The following MAPKBP1 variants were observed in gnomAD, a reference collection of about 807,000 sequenced individuals.
MAPKBP1 encodes mitogen-activated protein kinase-binding protein 1.
A neutral mutation model predicts 170.5 loss-of-function variants in MAPKBP1; 71 were observed. The ratio of observed to expected loss-of-function variants is 0.42; its 90% CI spans 0.34 to 0.51. MAPKBP1 has a LOEUF of 0.51. MAPKBP1 is among the 20% of genes least tolerant of loss of function. MAPKBP1 has a pLI of 0.06. For synonymous variants in MAPKBP1, 719 were observed against 757.9 expected, an observed-to-expected ratio of 0.95 and a Z score of 0.84; for missense variants, 1,598 against 1,933.0, an observed-to-expected ratio of 0.83 and a Z score of 3.25.
In MAPKBP1 at chr15:41,821,740, A is replaced by G. The variant is rs139190271; in HGVS notation, c.2875A>G (p.Met959Val). 3.1e-6 allele frequency: 5 copies of G among 1,613,418 alleles called. No individual in the cohort carries two copies. In the Admixed American group the frequency reaches 5.0e-5, roughly 16 times the overall value. ...VYPEPSDNPT[M>V]DTSEFQVQAP... ...CCCGGAGCCGAGTGACAACCCCACCATGGATACCAGGCAAGGATCCTGCCC... is the reference window on the plus strand; with the variant it reads ...CCCGGAGCCGAGTGACAACCCCACCGTGGATACCAGGCAAGGATCCTGCCC... Residue 959 changes from methionine to valine, a missense_variant, in exon 24 of 31, where the codon ATG (methionine) becomes GTG (valine). Transcript: ENST00000457542.
rs1400426663 is a variant in MAPKBP1, at chr15:41,812,415, C to G, written c.499-101C>G. ...GGCCAGTAAATTCTGGAAAGAAACA[C>G]TTTGTCAAGTACAAATTCTAATTCT... On this transcript the variant is annotated intron_variant, in intron 6 of 30. Coordinates refer to ENST00000457542, the MANE Select transcript of MAPKBP1 (RefSeq NM_014994.3). 3.3e-6 allele frequency: 5 copies of G among 1,509,886 alleles called. No individual in the cohort carries two copies. In the African/African-American group the frequency reaches 6.9e-5, roughly 21 times the overall value. The allele number at this position is 1,509,886 out of a possible 1,614,324, so 93.5% of individuals were successfully genotyped here. A position where few individuals can be genotyped will look rare whatever the true frequency, so the allele number is the denominator to read the frequency against.
chr15:41,795,854 C>A (rs1315010889), intron 2 of MAPKBP1, among the ~76,000 whole-genome samples: 1 of 152,200 alleles, frequency 6.6e-6, no homozygotes, highest in African/African-American at 2.4e-5. Flanking sequence ...CGTGATCCGC[C>A]CGTCTCGGCC....
chr15:41,825,046 A>C (rs1046888619), intron 30 of MAPKBP1, 163 bp from the exon 31 acceptor site: 3 of 598,176 alleles, frequency 5.0e-6, no homozygotes, highest in Non-Finnish European at 8.9e-6. Context: ...CGTCACCCCC[A>C]GAGTCTGCCT....
At position 41,817,795 on chromosome 15, in the gene MAPKBP1, T is replaced by A. The variant is rs180883655; in HGVS notation, c.1904+60T>A. 15 of 1,595,772 alleles carry A rather than the reference T, an allele frequency of 9.4e-6. No individual in the cohort carries two copies. The highest frequency in any genetic ancestry group is 1.7e-4 in the Middle Eastern group (1 of 6,036). ...CTTCATCTCCCTACGGGGTCAGCTC[T>A]GTGCAGCTAAGTTCCCACATCTGTC... On this transcript the variant is annotated intron_variant, in intron 16 of 30. Coordinates refer to ENST00000457542, the MANE Select transcript of MAPKBP1 (RefSeq NM_014994.3). The surrounding 1 kb of genome is among the most constrained non-coding windows in gnomAD (Gnocchi z 4.2).
In MAPKBP1 at chr15:41,786,641, C is replaced by T. The variant is rs577534737; in HGVS notation, c.114+11252C>T. Among the ~76,000 whole-genome samples the T allele has an allele frequency of 7.1e-3, 1,057 of 149,126 alleles. 11 individuals are homozygous for T. The highest frequency in any genetic ancestry group is 0.011 in the Non-Finnish European group (722 of 67,194). On this transcript the variant is annotated intron_variant, in intron 2 of 30. Coordinates refer to ENST00000457542, the MANE Select transcript of MAPKBP1 (RefSeq NM_014994.3). The stretch of plus-strand genomic sequence containing the variant: ...TTAGCTGGGCGTGGTGGCGGGTGCC[C>T]GTAGTCCCAGCTACTCAGGAGGCTG...
rs369382235 is a variant in MAPKBP1 at position 41,821,780 on chromosome 15, G to T, written c.2885+30G>T. 152 of 1,611,940 alleles carry T rather than the reference G, an allele frequency of 9.4e-5. No homozygotes were observed. The African/African-American group carries it at 1.7e-3, about 18-fold the overall frequency. Reference sequence around the variant, plus strand: ...GGATCCTGCCCTAGCCAGACCCCGTGCCCCCGTCTTCCCCTCCCTATGAGT... The same window carrying T: ...GGATCCTGCCCTAGCCAGACCCCGTTCCCCCGTCTTCCCCTCCCTATGAGT... On this transcript the variant is annotated intron_variant, in intron 24 of 30. Transcript: ENST00000457542.
rs142103818 is a variant in MAPKBP1, at chr15:41,822,977, C to T, written c.3353C>T (p.Ser1118Leu). The T allele has an allele frequency of 8.7e-6, 14 of 1,613,600 alleles. No individual in the cohort carries two copies. The highest frequency in any genetic ancestry group is 5.3e-5 in the African/African-American group (4 of 74,936). Reference protein sequence around the residue: ...SPSSSSLALMSRPAQVPQASG... With the variant: ...SPSSSSLALMLRPAQVPQASG... ...TCCTCCTCAAGCCTGGCACTGATGT[C>T]GAGACCAGCCCAGGTGCCACAGGCA... The change falls in exon 28 of 31, where the codon TCG (serine) becomes TTG (leucine). Residue 1118 changes from serine (S) to leucine (L), a missense_variant. Ser to Leu is a moderately radical substitution (Grantham distance 145, BLOSUM62 -2). Transcript: ENST00000457542.
chr15:41,819,554 G>GGGGGGGC, intron 21 of MAPKBP1, 41 bp from the exon 22 acceptor site: 1 of 1,495,298 alleles, frequency 6.7e-7, no homozygotes, highest in Non-Finnish European at 9.2e-7. Context: ...TGGCGGGGGG[G>GGGGGGGC]GGGCAGGAGA....
intron 8 of MAPKBP1, 171 bp downstream of exon 8, chr15:41,813,272 A>G (rs1596088276): frequency 2.6e-6 from 4 of 1,519,042 alleles, no homozygotes; most frequent in South Asian, 2.3e-5. Context: ...GGTGATCTGT[A>G]TAACTGCCTC....
chr15:41,786,324 C>A (rs1003447017), intron 2 of MAPKBP1, among the ~76,000 whole-genome samples: 3 of 151,774 alleles, frequency 2.0e-5, no homozygotes, highest in Admixed American at 6.6e-5. Context: ...AAAGAGCCTG[C>A]ATTATTTTTG....
intron 3 of MAPKBP1, 200 bp from the exon 4 acceptor site, chr15:41,810,683 A>C (rs1360539584): frequency 3.6e-6 from 2 of 562,456 alleles, no homozygotes; most frequent in Non-Finnish European, 6.2e-6. Context: ...GCACCACTGC[A>C]CTCTGGCTGG....
At position 41,799,826 on chromosome 15, in the gene MAPKBP1, A is replaced by AC; in HGVS notation, c.120dup (p.Glu42GlyfsTer17). The AC allele has an allele frequency of 6.2e-7, 1 of 1,613,624 alleles. No homozygotes were observed. Among genetic ancestry groups the AC allele is most frequent in the Non-Finnish European group, 8.5e-7 (1 of 1,179,612 alleles). On this transcript the variant is annotated frameshift_variant, in exon 3 of 31. Transcript: ENST00000457542. LOFTEE classifies it high-confidence loss of function. Reference sequence around the variant, plus strand: ...CACTTCTCTCTTCCTCTAACAGGTGACCTTGGAGAAGGTGCTGGGAATTAC... The same window carrying AC: ...CACTTCTCTCTTCCTCTAACAGGTGACCCTTGGAGAAGGTGCTGGGAATTAC...
intron 2 of MAPKBP1, among the ~76,000 whole-genome samples, chr15:41,798,123 G>A (rs536307559): frequency 6.6e-6 from 1 of 151,028 alleles, no homozygotes; most frequent in South Asian, 2.1e-4. Context: ...GGTGGCGGGT[G>A]CCTGTAGTCC....
At chr15:41,819,557 G>GGGGGGGGGGGGGGGGCC in intron 21 of MAPKBP1, 38 bp from the exon 22 acceptor site, 1 of 1,384,676 alleles carries the variant, frequency 7.2e-7, no homozygotes, top group Non-Finnish European at 1.0e-6. Context: ...CGGGGGGGGG[G>GGGGGGGGGGGGGGGGCC]CAGGAGACAC....
chr15:41,789,270 G>A (rs1468206128), intron 2 of MAPKBP1, among the ~76,000 whole-genome samples: 2 of 146,336 alleles, frequency 1.4e-5, no homozygotes, highest in African/African-American at 2.5e-5. Flanking sequence ...CTGTAGTACT[G>A]TAGAGAGGAC....
In MAPKBP1 at chr15:41,774,526, C is replaced by T. The variant is rs903017323; in HGVS notation, c.-194C>T. 2 of 398,500 alleles carry T rather than the reference C, an allele frequency of 5.0e-6. No homozygotes were observed. The highest frequency in any genetic ancestry group is 2.5e-4 in the South Asian group (2 of 7,870). 24.7% of individuals were successfully genotyped at this position (398,500 alleles called of 1,614,324 possible). Reference sequence around the variant, plus strand: ...ATAGCTCCTGCTGCTGCCTCTACCGCTGCGGCTACCGCGGCGGAGCTGAAA... The same window carrying T: ...ATAGCTCCTGCTGCTGCCTCTACCGTTGCGGCTACCGCGGCGGAGCTGAAA... On this transcript the variant is annotated 5_prime_UTR_variant, in exon 1 of 31. Coordinates refer to ENST00000457542, the MANE Select transcript of MAPKBP1 (RefSeq NM_014994.3).
rs1283469968 is a variant in MAPKBP1 at position 41,827,769 on chromosome 15, C to G, written c.*2333C>G. On this transcript the variant is annotated 3_prime_UTR_variant, in exon 31 of 31. Transcript: ENST00000457542. ...AGGTCGCGGCGCTTCCTGCCTCATC[C>G]TCGGCTGCATGGGGCGGGGGCGCTG... The G allele has an allele frequency of 4.3e-6, 1 of 231,802 alleles. No homozygotes were observed. Among genetic ancestry groups the G allele is most frequent in the African/African-American group, 2.3e-5 (1 of 43,816 alleles). The allele number at this position is 231,802 out of a possible 1,614,324, so 14.4% of individuals were successfully genotyped here.
Position 41,824,064 on chromosome 15 carries a change from G to A in MAPKBP1, c.4213+3G>A, listed in dbSNP as rs972724751. 1 of 1,593,974 alleles carries A rather than the reference G, an allele frequency of 6.3e-7. No individual in the cohort carries two copies. The highest frequency in any genetic ancestry group is 8.5e-7 in the Non-Finnish European group (1 of 1,173,928). On this transcript the variant is annotated splice_donor_region_variant and intron_variant, in intron 29 of 30. Coordinates refer to ENST00000457542, the MANE Select transcript of MAPKBP1 (RefSeq NM_014994.3). The stretch of plus-strand genomic sequence containing the variant: ...GGCAGCCCTGAGCCAGGACTCAGGT[G>A]TGCACAGCTCCCCAGCTCTCATCTC...
Position 41,823,753 on chromosome 15 carries a change from C to G in MAPKBP1, c.3905C>G (p.Pro1302Arg). 6.2e-7 allele frequency: 1 copy of G among 1,614,192 alleles called. No individual in the cohort carries two copies. Among genetic ancestry groups the G allele is most frequent in the Non-Finnish European group, 8.5e-7 (1 of 1,180,024 alleles). Residue 1302 changes from proline (P) to arginine (R), a missense_variant, in exon 29 of 31, where the codon CCT becomes CGT. By Grantham distance (103) the Pro-to-Arg change is moderately radical. Transcript: ENST00000457542. ...LDIPKPLPDR[P>R]TLAAFSPVTK... ...ATCCCCAAACCACTGCCTGACCGTC[C>G]TACCCTGGCTGCATTCTCTCCTGTC... is the stretch of plus-strand genomic sequence containing the variant.
Sources: gnomAD v4.1 joint callset for allele counts (sites outside exome capture counted in the v4.1 genomes callset) on GRCh38, gnomAD v4.1.1 for gene constraint, Gnocchi (gnomAD v3.1) non-coding constraint, MANE v1.5 for transcripts, NCBI Gene and HGNC (gene_info 2026-07-23, HGNC 2026-07-21) for gene names.